CHD9: variants seen among roughly 807,000 people sequenced by gnomAD.
CHD9 encodes chromodomain helicase DNA binding protein 9, also known as ATP-dependent chromatin remodeler CHD9.
CHD9 carries 77 observed loss-of-function variants against 316.1 expected under a neutral mutation model. The observed-to-expected ratio is 0.24, with a 90% confidence interval of 0.20 to 0.29. The LOEUF (loss-of-function observed/expected upper bound fraction) is 0.29, where lower values mean the gene tolerates loss of function less well. Among genes scored for constraint, CHD9 ranks in the 10% least tolerant of loss-of-function variants. The probability of loss-of-function intolerance (pLI) is 1.00; values close to 1 mark genes in which losing one functional copy is unlikely to be tolerated. For synonymous variants in CHD9, 1,129 were observed against 1,158.3 expected (o/e 0.97, Z 0.51); for missense variants, 2,763 against 3,438.1 (o/e 0.80, Z 4.91).
chr16:53,167,690 T>G (rs2042368659), intron 2 of CHD9, among the ~76,000 whole-genome samples: 2 of 152,214 alleles, frequency 1.3e-5, no homozygotes, highest in South Asian at 4.1e-4. Context: ...CATAATATAG[T>G]GTATATCATA....
rs563850906 is a variant in CHD9, at chr16:53,239,068, T to C, written c.2877+482T>C. On this transcript the variant is annotated intron_variant, in intron 12 of 38. Transcript: ENST00000447540. ...ATTTTAGACATTTTTTAAAATGTTG[T>C]TTGTTTTGCTTACCAAAACAGGTAT... is the stretch of plus-strand genomic sequence containing the variant. Among the ~76,000 whole-genome samples the C allele has an allele frequency of 1.8e-4, 28 of 152,322 alleles. 1 individual carries two copies. In the South Asian group the frequency reaches 5.8e-3, roughly 32 times the overall value.
At chr16:53,183,736 A>G (rs887613066) in intron 2 of CHD9, among the ~76,000 whole-genome samples, 8 of 151,944 alleles carry the variant, frequency 5.3e-5, no homozygotes, top group African/African-American at 1.9e-4. Flanking sequence ...CAACATAGCA[A>G]GACCCTGTCT....
intron 1 of CHD9, among the ~76,000 whole-genome samples, chr16:53,075,724 G>GTTT (rs1198805804): frequency 1.3e-5 from 2 of 152,202 alleles, no homozygotes; most frequent in African/African-American, 4.8e-5. Context: ...ATGTGGAACT[G>GTTT]TAAGTCCAAT....
intron 38 of CHD9, among the ~76,000 whole-genome samples, chr16:53,322,829 T>C (rs946155697): frequency 6.6e-6 from 1 of 152,134 alleles, no homozygotes; most frequent in African/African-American, 2.4e-5. Context: ...AATTATAGAA[T>C]GTGTATAATT....
intron 17 of CHD9, among the ~76,000 whole-genome samples, chr16:53,254,078 G>A (rs568536104): frequency 2.0e-5 from 3 of 152,236 alleles, no homozygotes; most frequent in South Asian, 2.1e-4. Context: ...TCAGGAGGCC[G>A]AGGCAGGAGA....
At chr16:53,174,239 G>C (rs1199110099) in intron 2 of CHD9, among the ~76,000 whole-genome samples, 1 of 152,148 alleles carries the variant, frequency 6.6e-6, no homozygotes, top group African/African-American at 2.4e-5. Flanking sequence ...AACCAAGATC[G>C]TGCCACTACA....
chr16:53,120,722 A>G (rs7191628), intron 1 of CHD9, among the ~76,000 whole-genome samples: 6 of 150,022 alleles, frequency 4.0e-5, no homozygotes, highest in African/African-American at 1.5e-4. Context: ...AAAGCACACC[A>G]GGCCAGGTGC....
chr16:53,059,184 G>A (rs2032549960), intron 1 of CHD9, among the ~76,000 whole-genome samples: 2 of 152,238 alleles, frequency 1.3e-5, no homozygotes, highest in Non-Finnish European at 2.9e-5. Context: ...TGGGCTGGAG[G>A]TTTGGTTTGT....
rs1033443266 is a variant in CHD9 at position 53,224,276 on chromosome 16, G to A, written c.1896+1521G>A. Among the ~76,000 whole-genome samples, 6 of 152,132 alleles carry A rather than the reference G, an allele frequency of 3.9e-5. No homozygotes were observed. The East Asian group carries it at 1.2e-3, about 29-fold the overall frequency. On this transcript the variant is annotated intron_variant, in intron 4 of 38. Coordinates refer to ENST00000447540, the MANE Select transcript of CHD9 (RefSeq NM_001308319.2). ...AGAAAAAGCACATGCCAAAAATGTG[G>A]ACATAAGATTCATTTTTATGTTTTT...
intron 1 of CHD9, among the ~76,000 whole-genome samples, chr16:53,137,359 A>G (rs1203249287): frequency 6.6e-6 from 1 of 152,172 alleles, no homozygotes; most frequent in Non-Finnish European, 1.5e-5. Context: ...GTTTTGCACT[A>G]TTATGAATAA....
rs557703889 is a variant in CHD9, at chr16:53,284,123, G to A, written c.4968-1473G>A. ...CTTTTCCCACAGAACTTGTCAATAG[G>A]AAATCCCCCATTTCTTATAGGTCTT... is the stretch of plus-strand genomic sequence containing the variant. On this transcript the variant is annotated intron_variant, in intron 24 of 38. Transcript: ENST00000447540. Among the ~76,000 whole-genome samples the A allele has an allele frequency of 3.3e-5, 5 of 152,050 alleles. No homozygotes were observed. The East Asian group carries it at 9.6e-4, about 29-fold the overall frequency.
At chr16:53,322,189 A>G (rs1325942515) in intron 38 of CHD9, among the ~76,000 whole-genome samples, 3 of 151,092 alleles carry the variant, frequency 2.0e-5, no homozygotes, top group African/African-American at 7.3e-5. Flanking sequence ...TAGAGACGAT[A>G]TTTCGCCATA....
At position 53,189,841 on chromosome 16, in the gene CHD9, A is replaced by G. The variant is rs186204246; in HGVS notation, c.1453-19641A>G. On this transcript the variant is annotated intron_variant, in intron 2 of 38. Coordinates refer to ENST00000447540, the MANE Select transcript of CHD9 (RefSeq NM_001308319.2). ...TATAAATGAAGATATATTTTATTCA[A>G]ATATTTGAGATCAACAAAATAGACG... is the stretch of plus-strand genomic sequence containing the variant. 3.0e-3 allele frequency among the ~76,000 whole-genome samples: 463 copies of G among 152,282 alleles called. 4 individuals carry two copies. Among genetic ancestry groups the G allele is most frequent in the Non-Finnish European group, 5.2e-3 (351 of 67,998 alleles).
intron 1 of CHD9, among the ~76,000 whole-genome samples, chr16:53,066,900 A>G (rs975805327): frequency 2.0e-5 from 3 of 152,198 alleles, no homozygotes; most frequent in Non-Finnish European, 4.4e-5. Context: ...TTGAGACAAT[A>G]CTACAGAATT....
chr16:53,158,911 A>G (rs945725881), intron 2 of CHD9, among the ~76,000 whole-genome samples: 2 of 152,182 alleles, frequency 1.3e-5, no homozygotes, highest in Admixed American at 6.5e-5. Flanking sequence ...TGCTGGGATT[A>G]TAGACGTGAG....
chr16:53,202,446 A>G (rs1029029933), intron 2 of CHD9, among the ~76,000 whole-genome samples: 2 of 138,564 alleles, frequency 1.4e-5, no homozygotes, highest in African/African-American at 5.4e-5. Context: ...AGTCTCATCT[A>G]CTCTGTGGTT....
intron 2 of CHD9, among the ~76,000 whole-genome samples, chr16:53,159,243 C>T (rs189525603): frequency 2.3e-4 from 35 of 152,178 alleles, no homozygotes; most frequent in Non-Finnish European, 1.0e-4. Context: ...GATCACACCA[C>T]TGCCAGTCTA....
intron 2 of CHD9, among the ~76,000 whole-genome samples, chr16:53,182,004 G>C (rs1309810532): frequency 6.6e-6 from 1 of 152,182 alleles, no homozygotes; most frequent in Non-Finnish European, 1.5e-5. Flanking sequence ...ACTTGAACCT[G>C]GGAGACAGAG....
intron 34 of CHD9, among the ~76,000 whole-genome samples, chr16:53,312,687 A>T (rs1168368838): frequency 6.6e-6 from 1 of 152,216 alleles, no homozygotes; most frequent in Non-Finnish European, 1.5e-5. Context: ...AATCATGTTG[A>T]TTCAAGGCAG....
Sources: allele counts gnomAD v4.1 joint callset (sites outside exome capture counted in the v4.1 genomes callset), GRCh38; gene constraint gnomAD v4.1.1; transcripts MANE v1.5; gene names NCBI Gene and HGNC (gene_info 2026-07-23, HGNC 2026-07-21).